The following HEATR5B variants were observed in gnomAD, a reference collection of about 807,000 sequenced individuals.
HEATR5B encodes the protein HEAT repeat-containing protein 5B.
In HEATR5B, 156 loss-of-function variants were observed where a neutral mutation model predicts 224.1. That is an observed-to-expected ratio of 0.70 (90% CI 0.61 to 0.80). The LOEUF is 0.80. Among genes scored for constraint, HEATR5B ranks in the 30% least tolerant of loss-of-function variants. The pLI, the probability that HEATR5B is intolerant of heterozygous loss-of-function variation, is 0.00. For synonymous variants in HEATR5B, 1,027 were observed against 893.0 expected (o/e 1.15, Z -2.68); for missense variants, 2,323 against 2,535.5 (o/e 0.92, Z 1.80).
intron 18 of HEATR5B, among the ~76,000 whole-genome samples, chr2:37,048,515 T>TA (rs200653419): frequency 9.4e-5 from 14 of 148,306 alleles, no homozygotes; most frequent in Non-Finnish European, 1.6e-4. Context: ...TCCTTGTAAT[T>TA]AAAAAAAAAA....
intron 33 of HEATR5B, 125 bp downstream of exon 33, chr2:37,000,461 A>T (rs1273480800): frequency 8.5e-6 from 6 of 706,606 alleles, no homozygotes; most frequent in Admixed American, 2.4e-5. Flanking sequence ...GAAAGATATG[A>T]CTAACATACC....
At position 37,079,238 on chromosome 2, in the gene HEATR5B, T is replaced by C; in HGVS notation, c.220A>G (p.Lys74Glu). The C allele has an allele frequency of 6.2e-7, 1 of 1,610,976 alleles. No homozygotes were observed. Among genetic ancestry groups the C allele is most frequent in the Non-Finnish European group, 8.5e-7 (1 of 1,177,186 alleles). ...PGPPTRKLLA[K>E]NLAALYSIGD... ...ATGCTATAAAGGGCTGCGAGATTTT[T>C]AGCTAATAATTTTCGTGTAGGTGGT... The change falls in exon 3 of 36, where the codon AAA (lysine) becomes GAA (glutamate). Residue 74 changes from lysine to glutamate, a missense_variant. Lys to Glu is a moderately conservative substitution (Grantham distance 56). Transcript: ENST00000233099.
intron 18 of HEATR5B, among the ~76,000 whole-genome samples, chr2:37,041,870 G>C (rs1669894916): frequency 6.6e-6 from 1 of 151,468 alleles, no homozygotes; most frequent in Admixed American, 6.6e-5. Flanking sequence ...TCCTTGAAAA[G>C]CCAAGACTTA....
intron 33 of HEATR5B, among the ~76,000 whole-genome samples, chr2:36,999,255 A>G (rs945091670): frequency 9.9e-5 from 15 of 152,118 alleles, no homozygotes; most frequent in Non-Finnish European, 1.6e-4. Flanking sequence ...AAAAAACATA[A>G]TATCAACATG....
intron 17 of HEATR5B, among the ~76,000 whole-genome samples, chr2:37,051,616 C>T (rs1214036275): frequency 2.0e-5 from 3 of 152,220 alleles, no homozygotes; most frequent in African/African-American, 7.2e-5. Flanking sequence ...CTCCCAATCA[C>T]TGAAGGAGAC....
intron 7 of HEATR5B, 152 bp from the exon 8 acceptor site, chr2:37,069,082 C>T (rs989651994): frequency 2.5e-6 from 2 of 796,506 alleles, no homozygotes; most frequent in Admixed American, 3.1e-5. Context: ...GGTCTTTTTA[C>T]TACTTCTGGA....
intron 35 of HEATR5B, among the ~76,000 whole-genome samples, 194 bp downstream of exon 35, chr2:36,988,452 A>G (rs1411704556): frequency 6.6e-6 from 1 of 152,000 alleles, no homozygotes; most frequent in Non-Finnish European, 1.5e-5. Context: ...AGTAGAGATC[A>G]GGTTTCACTA....
At chr2:37,008,903 TA>T in intron 27 of HEATR5B, 55 bp from the exon 28 acceptor site, 1 of 1,025,342 alleles carries the variant, frequency 9.8e-7, no homozygotes, top group South Asian at 1.5e-5. Flanking sequence ...AAAAATAAGA[TA>T]TTTTACGTTA....
chr2:37,003,484 T>C (rs1667220254), intron 31 of HEATR5B, 58 bp downstream of exon 31: 2 of 1,263,766 alleles, frequency 1.6e-6, no homozygotes, highest in South Asian at 1.4e-5. Context: ...GTTAATATTT[T>C]AAAAATTAGA....
In HEATR5B at chr2:36,984,215, A is replaced by AAAAAAAAAAAAAAAAAATATAT; in HGVS notation, c.5912-2422_5912-2421insATATATTTTTTTTTTTTTTTTT. Among the ~76,000 whole-genome samples the AAAAAAAAAAAAAAAAAATATAT allele has an allele frequency of 1.7e-4, 13 of 77,634 alleles. No homozygotes were observed. In the East Asian group the frequency reaches 1.8e-3, roughly 11 times the overall value. The allele number at this position is 77,634 out of a possible 152,430, so 50.9% of individuals were successfully genotyped here. On this transcript the variant is annotated intron_variant, in intron 35 of 35. Coordinates refer to ENST00000233099, the MANE Select transcript of HEATR5B (RefSeq NM_019024.3). ...AACTCTGTCTCAAAAAAAAAAAAAA[A>AAAAAAAAAAAAAAAAAATATAT]ATATATATATATATATATATATAAA...
chr2:37,009,740 G>A (rs925045571), intron 27 of HEATR5B, among the ~76,000 whole-genome samples: 2 of 150,000 alleles, frequency 1.3e-5, no homozygotes, highest in African/African-American at 4.9e-5. Flanking sequence ...GTTTTTTCTG[G>A]CTTCCCTCAT....
intron 16 of HEATR5B, 127 bp downstream of exon 16, chr2:37,056,313 G>C: frequency 3.4e-6 from 2 of 581,202 alleles, no homozygotes; most frequent in Non-Finnish European, 5.6e-6. Flanking sequence ...TAGTAAATCT[G>C]TAAGAGTACT....
chr2:37,073,006 C>G (rs963063675), intron 5 of HEATR5B, among the ~76,000 whole-genome samples: 10 of 152,142 alleles, frequency 6.6e-5, no homozygotes, highest in Non-Finnish European at 1.2e-4. Flanking sequence ...ATGCCTACAC[C>G]AGTGAATTCA....
intron 35 of HEATR5B, among the ~76,000 whole-genome samples, chr2:36,982,817 A>G (rs1665668063): frequency 6.6e-6 from 1 of 151,458 alleles, no homozygotes. Context: ...CATCATCACT[A>G]TATAAAATTG....
At chr2:37,008,980 C>T in intron 27 of HEATR5B, 132 bp from the exon 28 acceptor site, 1 of 731,602 alleles carries the variant, frequency 1.4e-6, no homozygotes, top group Non-Finnish European at 2.2e-6. Context: ...TACACTTTGG[C>T]TGGGTGCGGT....
intron 14 of HEATR5B, 98 bp from the exon 15 acceptor site, chr2:37,057,578 A>T: frequency 1.4e-6 from 1 of 732,798 alleles, no homozygotes; most frequent in Non-Finnish European, 2.2e-6. Context: ...ACAGGAATAA[A>T]ATAATTAAGT....
intron 6 of HEATR5B, among the ~76,000 whole-genome samples, chr2:37,071,075 A>G (rs1671875925): frequency 6.6e-6 from 1 of 152,226 alleles, no homozygotes; most frequent in South Asian, 2.1e-4. Flanking sequence ...TGAGGATTAA[A>G]TTTTGTAATA....
chr2:37,040,563 A>T lies in HEATR5B; in HGVS notation c.2857-45T>A, dbSNP rs753425477. 6 of 1,437,164 alleles carry T rather than the reference A, an allele frequency of 4.2e-6. No homozygotes were observed. The South Asian group carries it at 7.3e-5, about 18-fold the overall frequency. 89.0% of individuals were successfully genotyped at this position (1,437,164 alleles called of 1,614,324 possible). A position where few individuals can be genotyped will look rare whatever the true frequency, so the allele number is the denominator to read the frequency against. ...CATTTTAGTTGTAAGGAAGAATTCG[A>T]ATGTACTGAATTGAGTATACTGAAT... On this transcript the variant is annotated intron_variant, in intron 19 of 35. Coordinates refer to ENST00000233099, the MANE Select transcript of HEATR5B (RefSeq NM_019024.3).
Position 37,057,338 on chromosome 2 carries a change from A to G in HEATR5B, c.2202T>C (p.Asp734=), listed in dbSNP as rs1433877719. 2 of 1,605,086 alleles carry G rather than the reference A, an allele frequency of 1.2e-6. No individual in the cohort carries two copies. The highest frequency in any genetic ancestry group is 1.3e-5 in the African/African-American group (1 of 74,392). ...TTACCTGGTCTTCAATTGATTTATG[A>G]TCAGTTTCCTGAAGCCAAGAACCAA... ...VLLGSWLQET[D]HKSIEDQLQP... Residue 734 remains aspartate, a synonymous_variant, in exon 15 of 36, where the codon GAT becomes GAC. Coordinates refer to ENST00000233099, the MANE Select transcript of HEATR5B (RefSeq NM_019024.3).
Sources: gnomAD v4.1 joint callset for allele counts (sites outside exome capture counted in the v4.1 genomes callset) on GRCh38, gnomAD v4.1.1 for gene constraint, MANE v1.5 for transcripts, NCBI Gene and HGNC (gene_info 2026-07-23, HGNC 2026-07-21) for gene names.